Variants in MSRA observed in about 807,000 individuals in gnomAD.
MSRA encodes the protein mitochondrial peptide methionine sulfoxide reductase.
Under a neutral mutation model 31.3 loss-of-function variants are expected in MSRA, and 54 were observed. The observed-to-expected ratio is 1.73, with a 90% CI of 1.39 to 2.17. The LOEUF is 2.17. Ranked by LOEUF, MSRA falls within the 30% of genes most tolerant of loss-of-function variation. The pLI, the probability that MSRA is intolerant of heterozygous loss-of-function variation, is 0.00. For missense variants in MSRA, 507 were observed against 300.9 expected (o/e 1.69, Z -5.07); for synonymous variants, 169 against 116.5 (o/e 1.45, Z -2.90).
At chr8:10,238,635 G>A (rs1275140215) in intron 2 of MSRA, among the ~76,000 whole-genome samples, 1 of 152,114 alleles carries the variant, frequency 6.6e-6, no homozygotes, top group Non-Finnish European at 1.5e-5. Context: ...GTCATATAAA[G>A]GTAACATTGG....
intron 1 of MSRA, among the ~76,000 whole-genome samples, chr8:10,147,429 C>T (rs188850657): frequency 6.6e-6 from 1 of 152,306 alleles, no homozygotes; most frequent in Non-Finnish European, 1.5e-5. Flanking sequence ...CCTCTGTCCC[C>T]ATGTCCTCAC....
chr8:10,193,873 A>C (rs1807744690), intron 1 of MSRA, among the ~76,000 whole-genome samples: 1 of 152,180 alleles, frequency 6.6e-6, no homozygotes. Context: ...TAAGGGCAGG[A>C]TTTTTTAAAA....
At chr8:10,419,226 C>T (rs781428307) in intron 5 of MSRA, among the ~76,000 whole-genome samples, 1 of 152,180 alleles carries the variant, frequency 6.6e-6, no homozygotes, top group African/African-American at 2.4e-5. Context: ...CAGGACAGAA[C>T]ACTCGGCATC....
intron 3 of MSRA, among the ~76,000 whole-genome samples, chr8:10,249,790 C>A (rs769465316): frequency 6.6e-6 from 1 of 152,152 alleles, no homozygotes; most frequent in Non-Finnish European, 1.5e-5. Context: ...TGTTTTGTAC[C>A]TAAAATGATG....
intron 5 of MSRA, among the ~76,000 whole-genome samples, chr8:10,423,495 T>G (rs1340967647): frequency 2.2e-5 from 3 of 135,854 alleles, no homozygotes; most frequent in African/African-American, 7.9e-5. Context: ...GGTTGACCAG[T>G]GGACTTGGGG....
chr8:10,399,519 A>C (rs1358340046), intron 5 of MSRA, among the ~76,000 whole-genome samples: 1 of 152,136 alleles, frequency 6.6e-6, no homozygotes, highest in African/African-American at 2.4e-5. Flanking sequence ...TGCACCTGCT[A>C]CCACTTTGCC....
intron 1 of MSRA, among the ~76,000 whole-genome samples, chr8:10,084,897 T>TTGGG (rs58567446): frequency 6.6e-6 from 1 of 152,174 alleles, no homozygotes; most frequent in African/African-American, 2.4e-5. Flanking sequence ...GCTTTGCGAA[T>TTGGG]TAACATTCTT....
intron 1 of MSRA, among the ~76,000 whole-genome samples, chr8:10,195,659 C>G (rs574114688): frequency 6.6e-6 from 1 of 152,322 alleles, no homozygotes; most frequent in Admixed American, 6.5e-5. Flanking sequence ...TGGAGGCCAG[C>G]TGGCCTGAGC....
At chr8:10,087,728 C>T (rs1382622262) in intron 1 of MSRA, among the ~76,000 whole-genome samples, 2 of 152,132 alleles carry the variant, frequency 1.3e-5, no homozygotes, top group Non-Finnish European at 2.9e-5. Context: ...GAGTGCCATA[C>T]CCTCAAGGTT....
intron 3 of MSRA, among the ~76,000 whole-genome samples, chr8:10,260,642 G>T (rs1185227051): frequency 6.6e-6 from 1 of 152,194 alleles, no homozygotes; most frequent in Non-Finnish European, 1.5e-5. Context: ...CTGGGCAGAG[G>T]TAGACACAGG....
chr8:10,177,502 C>G (rs1252927585), intron 1 of MSRA, among the ~76,000 whole-genome samples: 1 of 149,804 alleles, frequency 6.7e-6, no homozygotes. Context: ...GTGTTGTTAT[C>G]CACCTCTTCT....
intron 5 of MSRA, among the ~76,000 whole-genome samples, chr8:10,414,206 A>C (rs933142805): frequency 6.6e-6 from 1 of 152,184 alleles, no homozygotes; most frequent in Admixed American, 6.5e-5. Context: ...ACTACCTCTC[A>C]ATATAAAATG....
At chr8:10,146,843 A>T (rs1803186907) in intron 1 of MSRA, among the ~76,000 whole-genome samples, 2 of 152,168 alleles carry the variant, frequency 1.3e-5, no homozygotes. Context: ...GTGGGGCTTT[A>T]TCTTAGCCTG....
intron 3 of MSRA, among the ~76,000 whole-genome samples, chr8:10,274,428 C>G (rs951939957): frequency 2.0e-5 from 3 of 152,104 alleles, no homozygotes; most frequent in Non-Finnish European, 4.4e-5. Flanking sequence ...CCAAATGTCA[C>G]CATTATCCTG....
chr8:10,092,048 A>G (rs1269034075), intron 1 of MSRA, among the ~76,000 whole-genome samples: 1 of 151,754 alleles, frequency 6.6e-6, no homozygotes, highest in Non-Finnish European at 1.5e-5. Flanking sequence ...TCTTTTTCAT[A>G]ATAGCCATTC....
At chr8:10,275,959 G>A (rs999392875) in intron 3 of MSRA, among the ~76,000 whole-genome samples, 5 of 152,238 alleles carry the variant, frequency 3.3e-5, no homozygotes, top group African/African-American at 9.6e-5. Flanking sequence ...AAGTGAAATC[G>A]CACTGCTAAA....
chr8:10,076,422 G>A (rs1797997813), intron 1 of MSRA, among the ~76,000 whole-genome samples: 1 of 152,152 alleles, frequency 6.6e-6, no homozygotes, highest in African/African-American at 2.4e-5. Context: ...CCTTCTTTTT[G>A]GGAGAACTGG....
chr8:10,228,519 C>T (rs1330646194), intron 2 of MSRA, among the ~76,000 whole-genome samples: 2 of 152,098 alleles, frequency 1.3e-5, no homozygotes, highest in Non-Finnish European at 2.9e-5. Flanking sequence ...TAATTTGATC[C>T]CACAGCACCA....
At chr8:10,237,783 C>G (rs2975725) in intron 2 of MSRA, among the ~76,000 whole-genome samples, 15,054 of 152,166 alleles carry the variant, frequency 0.099, 910 homozygotes, top group East Asian at 0.2. Context: ...CCTTTTGGCT[C>G]TATCTTCAAA....
Sources: allele counts gnomAD v4.1 joint callset (sites outside exome capture counted in the v4.1 genomes callset), GRCh38; gene constraint gnomAD v4.1.1; transcripts MANE v1.5; gene names NCBI Gene and HGNC (gene_info 2026-07-23, HGNC 2026-07-21).